The following LRRTM3 variants were observed in gnomAD, a reference collection of about 807,000 sequenced individuals.
LRRTM3 encodes leucine-rich repeat transmembrane neuronal protein 3.
A neutral mutation model predicts 44.7 loss-of-function variants in LRRTM3; 24 were observed. That is an observed-to-expected ratio of 0.54 (90% CI 0.39 to 0.76). The LOEUF is 0.76. LRRTM3 is among the 30% of genes least tolerant of loss of function. LRRTM3 has a pLI of 0.00. For synonymous variants in LRRTM3, 277 were observed against 278.7 expected (o/e 0.99, Z 0.06); for missense variants, 587 against 702.2 (o/e 0.84, Z 1.85).
At chr10:67,015,777 C>G (rs57966240) in intron 2 of LRRTM3, among the ~76,000 whole-genome samples, 1 of 151,962 alleles carries the variant, frequency 6.6e-6, no homozygotes. Context: ...TCACCAATTA[C>G]GTACATGTTG....
Position 67,100,789 on chromosome 10 carries a change from C to T in LRRTM3, c.*2993C>T, listed in dbSNP as rs919760498. 2.0e-5 allele frequency among the ~76,000 whole-genome samples: 3 copies of T among 151,754 alleles called. No homozygotes were observed. The highest frequency in any genetic ancestry group is 1.3e-4 in the Admixed American group (2 of 15,178). ...TGTCTTCATAACAACCCTATGAAGA[C>T]ACATTAATCTCAAAGAAATTGAGCT... On this transcript the variant is annotated 3_prime_UTR_variant, in exon 3 of 3. Transcript: ENST00000361320.
chr10:66,974,387 T>G (rs1168110104), intron 2 of LRRTM3, among the ~76,000 whole-genome samples: 1 of 152,244 alleles, frequency 6.6e-6, no homozygotes, highest in Non-Finnish European at 1.5e-5. Flanking sequence ...CAGCACACTT[T>G]ACGCATTCAC....
At chr10:66,959,671 C>T (rs1393482428) in intron 2 of LRRTM3, among the ~76,000 whole-genome samples, 2 of 152,176 alleles carry the variant, frequency 1.3e-5, no homozygotes, top group African/African-American at 4.8e-5. Context: ...CCATTCTACT[C>T]TCAGTGCAAC....
At chr10:67,011,220 A>G (rs928719507) in intron 2 of LRRTM3, among the ~76,000 whole-genome samples, 5 of 151,896 alleles carry the variant, frequency 3.3e-5, no homozygotes, top group African/African-American at 1.2e-4. Context: ...ATGTGACTGT[A>G]GTCCCAGCTA....
At chr10:67,089,980 T>C (rs1398776517) in intron 2 of LRRTM3, among the ~76,000 whole-genome samples, 2 of 152,102 alleles carry the variant, frequency 1.3e-5, no homozygotes, top group African/African-American at 4.8e-5. Context: ...TAGTCTCATA[T>C]GAAACAAAAT....
At chr10:67,000,134 C>T (rs912149510) in intron 2 of LRRTM3, among the ~76,000 whole-genome samples, 5 of 152,118 alleles carry the variant, frequency 3.3e-5, no homozygotes, top group Admixed American at 1.3e-4. Flanking sequence ...AAATATAGGG[C>T]CTTCCAGATG....
intron 2 of LRRTM3, among the ~76,000 whole-genome samples, chr10:66,955,982 G>A (rs961322081): frequency 6.6e-6 from 1 of 152,080 alleles, no homozygotes; most frequent in African/African-American, 2.4e-5. Context: ...TGCCAGAAAG[G>A]GGTGCTCAAA....
chr10:67,059,226 A>C (rs1356982090), intron 2 of LRRTM3, among the ~76,000 whole-genome samples: 1 of 152,222 alleles, frequency 6.6e-6, no homozygotes, highest in African/African-American at 2.4e-5. Flanking sequence ...TTAATGAGCC[A>C]GATCACCATT....
intron 2 of LRRTM3, among the ~76,000 whole-genome samples, chr10:66,929,143 G>C (rs1024026373): frequency 6.6e-5 from 10 of 152,184 alleles, no homozygotes; most frequent in Non-Finnish European, 5.9e-5. Context: ...AAAATGTAAA[G>C]TTTTCGACTC....
chr10:67,062,807 G>C (rs1309147772), intron 2 of LRRTM3, among the ~76,000 whole-genome samples: 1 of 152,122 alleles, frequency 6.6e-6, no homozygotes, highest in Non-Finnish European at 1.5e-5. Context: ...AGGCAGATGA[G>C]AAAGAAAAAT....
intron 2 of LRRTM3, among the ~76,000 whole-genome samples, chr10:67,055,347 C>T (rs1158358914): frequency 2.6e-5 from 4 of 152,096 alleles, no homozygotes; most frequent in African/African-American, 9.7e-5. Flanking sequence ...TTTTATGAGG[C>T]TAGAGTAAAA....
At chr10:67,067,584 T>A (rs1446009488) in intron 2 of LRRTM3, among the ~76,000 whole-genome samples, 9 of 152,180 alleles carry the variant, frequency 5.9e-5, no homozygotes, top group Admixed American at 3.3e-4. Context: ...AGACTCATGT[T>A]CCCCAAGCTT....
rs895987573 is a variant in LRRTM3 at position 67,098,005 on chromosome 10, T to A, written c.*209T>A. On this transcript the variant is annotated 3_prime_UTR_variant, in exon 3 of 3. Transcript: ENST00000361320. Reference sequence around the variant, plus strand: ...TTGTAATTAGCTAAGTTGTGCAGTATTTTTTGACTTAAACAGAGTATGACC... The same window carrying A: ...TTGTAATTAGCTAAGTTGTGCAGTAATTTTTGACTTAAACAGAGTATGACC... 3.3e-5 allele frequency: 19 copies of A among 570,982 alleles called. No homozygotes were observed. Among genetic ancestry groups the A allele is most frequent in the Non-Finnish European group, 5.9e-5 (19 of 321,070 alleles). The allele number at this position is 570,982 out of a possible 1,614,324, so 35.4% of individuals were successfully genotyped here.
intron 2 of LRRTM3, among the ~76,000 whole-genome samples, chr10:67,038,894 G>A (rs547753679): frequency 6.6e-6 from 1 of 151,934 alleles, no homozygotes; most frequent in South Asian, 2.1e-4. Flanking sequence ...TTAGTAGAAA[G>A]GAACAAATTA....
At chr10:67,008,583 T>G (rs1202623912) in intron 2 of LRRTM3, among the ~76,000 whole-genome samples, 1 of 152,156 alleles carries the variant, frequency 6.6e-6, no homozygotes, top group African/African-American at 2.4e-5. Context: ...CTGGCCTGGC[T>G]CATCTCTGAA....
In LRRTM3 at chr10:66,978,247, C is replaced by G. The variant is rs138398024; in HGVS notation, c.1536+49795C>G. On this transcript the variant is annotated intron_variant, in intron 2 of 2. Transcript: ENST00000361320. ...GAGTTAACAATATTGTATTGTGGGCCAAGTGCACTGGCTCACACCTGTAAT... is the reference window on the plus strand; with the variant it reads ...GAGTTAACAATATTGTATTGTGGGCGAAGTGCACTGGCTCACACCTGTAAT... Among the ~76,000 whole-genome samples the G allele has an allele frequency of 2.7e-3, 407 of 151,930 alleles. 1 individual carries two copies. Among genetic ancestry groups the G allele is most frequent in the Admixed American group, 6.4e-3 (97 of 15,238 alleles).
At chr10:66,987,903 T>TA (rs897179100) in intron 2 of LRRTM3, among the ~76,000 whole-genome samples, 11 of 152,186 alleles carry the variant, frequency 7.2e-5, no homozygotes, top group Admixed American at 2.6e-4. Flanking sequence ...CAGAGGGTTT[T>TA]AAAAAATCAG....
intron 2 of LRRTM3, among the ~76,000 whole-genome samples, chr10:66,972,969 A>G (rs1849812937): frequency 6.6e-6 from 1 of 152,154 alleles, no homozygotes; most frequent in South Asian, 2.1e-4. Context: ...AGAGAGAAAT[A>G]ACATTTCAGA....
chr10:67,026,662 A>G (rs1385290464), intron 2 of LRRTM3, among the ~76,000 whole-genome samples: 2 of 152,192 alleles, frequency 1.3e-5, no homozygotes, highest in East Asian at 3.9e-4. Context: ...GGAGGAAACC[A>G]ATTTCTTCAT....
Sources: allele counts gnomAD v4.1 joint callset (sites outside exome capture counted in the v4.1 genomes callset), GRCh38; gene constraint gnomAD v4.1.1; transcripts MANE v1.5; gene names NCBI Gene and HGNC (gene_info 2026-07-23, HGNC 2026-07-21).